Variants in SAMD3 observed in about 807,000 individuals in gnomAD.
SAMD3 encodes sterile alpha motif domain containing 3.
SAMD3 carries 63 observed loss-of-function variants against 58.5 expected under a neutral mutation model. The observed-to-expected ratio is 1.08, with a 90% confidence interval of 0.88 to 1.33. SAMD3 has a LOEUF of 1.33. SAMD3 is among the 40% of genes most tolerant of loss of function. The pLI is 0.00. For missense variants in SAMD3, 604 were observed against 608.4 expected (o/e 0.99, Z 0.08); for synonymous variants, 220 against 210.3 (o/e 1.05, Z -0.40).
At chr6:130,293,696 A>C (rs1775462385) in intron 2 of SAMD3, among the ~76,000 whole-genome samples, 1 of 118,624 alleles carries the variant, frequency 8.4e-6, no homozygotes, top group Non-Finnish European at 1.9e-5. Flanking sequence ...GATTAATTCA[A>C]TGAGGACTGA....
chr6:130,278,181 C>A (rs1230066839), intron 2 of SAMD3, among the ~76,000 whole-genome samples: 1 of 152,122 alleles, frequency 6.6e-6, no homozygotes, highest in African/African-American at 2.4e-5. Flanking sequence ...ATCTTGTGGA[C>A]CCCACCCAGG....
At chr6:130,203,695 G>A (rs955005248) in intron 5 of SAMD3, among the ~76,000 whole-genome samples, 1 of 152,186 alleles carries the variant, frequency 6.6e-6, no homozygotes, top group African/African-American at 2.4e-5. Flanking sequence ...CTGTGTCAGG[G>A]ACTGCACAGA....
chr6:130,184,865 C>G lies in SAMD3; in HGVS notation c.384-242G>C. ...TTAGAAAAAGTCATAATAATATAGA[C>G]TTTAGAATAAAGCCTGAAGTTGAAA... On this transcript the variant is annotated intron_variant, in intron 5 of 11. Coordinates refer to ENST00000439090, the MANE Select transcript of SAMD3 (RefSeq NM_001017373.4). Among the ~76,000 whole-genome samples the G allele has an allele frequency of 2.0e-5, 3 of 152,226 alleles. No homozygotes were observed. In the South Asian group the frequency reaches 6.2e-4, roughly 32 times the overall value.
At chr6:130,243,279 A>T (rs1773426286) in intron 2 of SAMD3, among the ~76,000 whole-genome samples, 1 of 152,196 alleles carries the variant, frequency 6.6e-6, no homozygotes, top group Non-Finnish European at 1.5e-5. Flanking sequence ...ATTTGAGCCT[A>T]AGAAGCCTGC....
chr6:130,310,206 TATC>T, intron 2 of SAMD3, among the ~76,000 whole-genome samples: 1 of 152,324 alleles, frequency 6.6e-6, no homozygotes, highest in Non-Finnish European at 1.5e-5. Flanking sequence ...GAATGCAAAA[TATC>T]ATCACCGTAA....
upstream of SAMD3, among the ~76,000 whole-genome samples, chr6:130,226,714 A>G (rs560112429): frequency 2.0e-5 from 3 of 152,196 alleles, no homozygotes; most frequent in East Asian, 5.8e-4. Context: ...AGCTACTGTC[A>G]GTGTAGCTTT....
chr6:130,176,915 A>G (rs71572911), intron 7 of SAMD3, among the ~76,000 whole-genome samples: 14,425 of 152,142 alleles, frequency 0.095, 1,097 homozygotes, highest in African/African-American at 0.21. Context: ...TAAAAAATAA[A>G]GTGGGAGAGA....
In SAMD3 at chr6:130,145,209, G is replaced by C. The variant is rs1217865081; in HGVS notation, c.1278+131C>G. On this transcript the variant is annotated intron_variant, in intron 11 of 11. Coordinates refer to ENST00000439090, the MANE Select transcript of SAMD3 (RefSeq NM_001017373.4). ...GGAGGTGGAGGCTGCAGTGAGCCAA[G>C]ATCACGCCATTGTACTCCAGCCTGG... 8.5e-6 allele frequency: 4 copies of C among 472,106 alleles called. No individual in the cohort carries two copies. The Admixed American group carries it at 1.2e-4, about 14-fold the overall frequency. The allele number at this position is 472,106 out of a possible 1,614,324, so 29.2% of individuals were successfully genotyped here.
chr6:130,344,748 A>C (rs1315154385), intron 1 of SAMD3, among the ~76,000 whole-genome samples: 1 of 148,030 alleles, frequency 6.8e-6, no homozygotes, highest in African/African-American at 2.5e-5. Flanking sequence ...CAATATATGC[A>C]TATTTTCCAG....
chr6:130,171,606 C>G (rs996236197), intron 8 of SAMD3, among the ~76,000 whole-genome samples: 3 of 152,140 alleles, frequency 2.0e-5, no homozygotes, highest in Non-Finnish European at 4.4e-5. Context: ...TTTACATTTG[C>G]TGAGGAGTGT....
At chr6:130,240,093 T>A (rs958790091) in intron 2 of SAMD3, among the ~76,000 whole-genome samples, 2 of 152,228 alleles carry the variant, frequency 1.3e-5, no homozygotes, top group Non-Finnish European at 2.9e-5. Context: ...CTGCACATGT[T>A]ATCAGCACAG....
intron 1 of SAMD3, among the ~76,000 whole-genome samples, chr6:130,360,413 G>T (rs1234825249): frequency 6.6e-6 from 1 of 152,142 alleles, no homozygotes; most frequent in Non-Finnish European, 1.5e-5. Context: ...TGGGCATCTG[G>T]GGGAGACATC....
chr6:130,162,734 C>T (rs1250196062), intron 8 of SAMD3, among the ~76,000 whole-genome samples: 1 of 152,158 alleles, frequency 6.6e-6, no homozygotes, highest in Non-Finnish European at 1.5e-5. Flanking sequence ...ACTGTAGCTT[C>T]TGAACATCAC....
intron 2 of SAMD3, among the ~76,000 whole-genome samples, chr6:130,276,676 C>T (rs1429772853): frequency 6.6e-6 from 1 of 152,116 alleles, no homozygotes; most frequent in Admixed American, 6.5e-5. Context: ...TTCTTGCCCA[C>T]TGCCCAAATA....
chr6:130,348,906 A>G (rs1438024024), intron 1 of SAMD3, among the ~76,000 whole-genome samples: 1 of 152,156 alleles, frequency 6.6e-6, no homozygotes, highest in East Asian at 1.9e-4. Flanking sequence ...ATCAAACTAG[A>G]ACTCAGGATT....
At chr6:130,274,604 T>C (rs1774705885) in intron 2 of SAMD3, among the ~76,000 whole-genome samples, 1 of 151,800 alleles carries the variant, frequency 6.6e-6, no homozygotes, top group Non-Finnish European at 1.5e-5. Flanking sequence ...TGAGCTCTGC[T>C]GGCTTGGAGG....
intron 4 of SAMD3, among the ~76,000 whole-genome samples, chr6:130,210,654 C>T (rs1795462524): frequency 6.6e-6 from 1 of 151,700 alleles, no homozygotes; most frequent in East Asian, 1.9e-4. Context: ...GGCCCCCAAC[C>T]ATTTGAATGG....
At chr6:130,255,517 T>G (rs1049989969) in intron 2 of SAMD3, among the ~76,000 whole-genome samples, 3 of 152,242 alleles carry the variant, frequency 2.0e-5, no homozygotes, top group Non-Finnish European at 2.9e-5. Context: ...TTATATCCTC[T>G]TGATGAATTG....
At chr6:130,285,384 T>C (rs1775120486) in intron 2 of SAMD3, among the ~76,000 whole-genome samples, 1 of 151,870 alleles carries the variant, frequency 6.6e-6, no homozygotes, top group South Asian at 2.1e-4. Context: ...ATCAAGCAAA[T>C]AAAATCCAGA....
Sources: allele counts gnomAD v4.1 joint callset (sites outside exome capture counted in the v4.1 genomes callset), GRCh38; gene constraint gnomAD v4.1.1; transcripts MANE v1.5; gene names NCBI Gene and HGNC (gene_info 2026-07-23, HGNC 2026-07-21).